Variants in HMGB1 observed in about 807,000 individuals in gnomAD.
The protein encoded by HMGB1 is high mobility group protein B1.
For synonymous variants in HMGB1, 81 were observed against 84.0 expected, an observed-to-expected ratio of 0.96 and a Z score of 0.19; for missense variants, 79 against 253.5, an observed-to-expected ratio of 0.31 and a Z score of 4.67.
intron 1 of HMGB1, among the ~76,000 whole-genome samples, chr13:30,566,701 CATGACA>C (rs1454915346): frequency 6.6e-6 from 1 of 152,176 alleles, no homozygotes; most frequent in African/African-American, 2.4e-5. Flanking sequence ...CTCTTCTTAC[CATGACA>C]ATAAGAAGTT....
intron 1 of HMGB1, chr13:30,464,957 C>CGCCCGAGG (rs1219398637): frequency 3.7e-4 from 53 of 141,498 alleles, no homozygotes; most frequent in African/African-American, 1.3e-3. Flanking sequence ...CGGTGGGGGC[C>CGCCCGAGG]GCCCGAGGGC....
upstream of HMGB1, among the ~76,000 whole-genome samples, chr13:30,469,265 A>G (rs905226113): frequency 4.6e-5 from 7 of 152,182 alleles, no homozygotes; most frequent in African/African-American, 7.2e-5. Context: ...CCCATGCTCA[A>G]TTTAAACAAC....
chr13:30,528,692 C>T (rs544578738), intron 1 of HMGB1, among the ~76,000 whole-genome samples: 15 of 152,136 alleles, frequency 9.9e-5, no homozygotes, highest in Admixed American at 4.6e-4. Flanking sequence ...GTGGAAGCTG[C>T]GAAAGAATCA....
rs9508762 is a variant in HMGB1 at position 30,505,400 on chromosome 13, C to T, written c.-14-41706G>A. The stretch of plus-strand genomic sequence containing the variant: ...TCACCGTGTTAGCCAGGATGGTCTC[C>T]ATCTCCTGACCTCGTGATCAGCCCA... On this transcript the variant is annotated intron_variant, in intron 1 of 4. Coordinates refer to the HMGB1 transcript ENST00000405805. Among the ~76,000 whole-genome samples, 6 of 150,376 alleles carry T rather than the reference C, an allele frequency of 4.0e-5. No individual in the cohort carries two copies. The South Asian group carries it at 1.0e-3, about 26-fold the overall frequency.
At chr13:30,615,407 A>G (rs1950551292) in intron 1 of HMGB1, among the ~76,000 whole-genome samples, 1 of 152,228 alleles carries the variant, frequency 6.6e-6, no homozygotes, top group Non-Finnish European at 1.5e-5. Context: ...AAACCATTAT[A>G]TAACACATAC....
chr13:30,502,820 T>A (rs1887764744), intron 1 of HMGB1, among the ~76,000 whole-genome samples: 1 of 151,914 alleles, frequency 6.6e-6, no homozygotes, highest in Non-Finnish European at 1.5e-5. Context: ...GGATTACAGG[T>A]GCCTGCCACC....
chr13:30,586,486 T>TG lies in HMGB1; in HGVS notation c.-15+30184_-15+30185insC, dbSNP rs1462674924. Among the ~76,000 whole-genome samples, 122 of 140,932 alleles carry TG rather than the reference T, an allele frequency of 8.7e-4. 3 individuals are homozygous for TG. The highest frequency in any genetic ancestry group is 2.8e-3 in the African/African-American group (110 of 38,798). 92.5% of individuals were successfully genotyped at this position (140,932 alleles called of 152,430 possible). A position where few individuals can be genotyped will look rare whatever the true frequency, so the allele number is the denominator to read the frequency against. On this transcript the variant is annotated intron_variant, in intron 1 of 4. Transcript: ENST00000405805. Reference sequence around the variant, plus strand: ...AAATCACTGGTTTTTTTTGTTTTTTTTTTTTTTTTTTTTTTTTTTGAGATG... The same window carrying TG: ...AAATCACTGGTTTTTTTTGTTTTTTTGTTTTTTTTTTTTTTTTTTTGAGATG...
rs149038685 is a variant in HMGB1 at position 30,525,904 on chromosome 13, C to T, written c.-14-62210G>A. Among the ~76,000 whole-genome samples, 762 of 152,178 alleles carry T rather than the reference C, an allele frequency of 5.0e-3. 3 individuals are homozygous for T. Among genetic ancestry groups the T allele is most frequent in the African/African-American group, 0.014 (588 of 41,506 alleles). On this transcript the variant is annotated intron_variant, in intron 1 of 4. Coordinates refer to the HMGB1 transcript ENST00000405805. ...TATAATGGGGGTTTCGTCATGTTGC[C>T]CAGGCTGGTCTGGAGCTTCTGAGCT...
At position 30,536,320 on chromosome 13, in the gene HMGB1, A is replaced by G. The variant is rs1566018006; in HGVS notation, c.-14-72626T>C. Among the ~76,000 whole-genome samples the G allele has an allele frequency of 2.0e-5, 3 of 152,168 alleles. No individual in the cohort carries two copies. In the South Asian group the frequency reaches 6.2e-4, roughly 32 times the overall value. On this transcript the variant is annotated intron_variant, in intron 1 of 4. Coordinates refer to the HMGB1 transcript ENST00000405805. ...CTTTTTTTTTAACTTTTGCTTCACA[A>G]TGCAATGTACTTTCCCCCTTCTCCT...
intron 1 of HMGB1, among the ~76,000 whole-genome samples, chr13:30,591,401 T>G (rs1189350245): frequency 1.3e-5 from 2 of 152,062 alleles, no homozygotes; most frequent in African/African-American, 4.8e-5. Context: ...ATCCAGTAAG[T>G]TTTGATATAA....
chr13:30,546,756 AT>A (rs749323506), intron 1 of HMGB1, among the ~76,000 whole-genome samples: 1 of 152,220 alleles, frequency 6.6e-6, no homozygotes, highest in Non-Finnish European at 1.5e-5. Context: ...AAGTGCTGGG[AT>A]TACAGGCATA....
In HMGB1 at chr13:30,559,607, T is replaced by C. The variant is rs1296733961; in HGVS notation, c.-15+57064A>G. ...TTAGATAGCCACATAGGGAAATCAG[T>C]TTTTAAGAAAGCGGATGGAATTCAG... On this transcript the variant is annotated intron_variant, in intron 1 of 4. Coordinates refer to the HMGB1 transcript ENST00000405805. This position sits in a 1 kb window ranked among gnomAD's most constrained non-coding sequence, Gnocchi z 6.6. Among the ~76,000 whole-genome samples, 1 of 152,080 alleles carries C rather than the reference T, an allele frequency of 6.6e-6. No individual in the cohort carries two copies. The highest frequency in any genetic ancestry group is 1.5e-5 in the Non-Finnish European group (1 of 68,014).
At chr13:30,538,711 C>CT (rs1566019274) in intron 1 of HMGB1, among the ~76,000 whole-genome samples, 4 of 79,306 alleles carry the variant, frequency 5.0e-5, no homozygotes, top group African/African-American at 1.9e-4. Flanking sequence ...CTTTTTCTTT[C>CT]TTTCTTCTTT....
At chr13:30,499,075 C>A (rs1055287997) in intron 1 of HMGB1, among the ~76,000 whole-genome samples, 3 of 151,970 alleles carry the variant, frequency 2.0e-5, no homozygotes, top group African/African-American at 7.3e-5. Context: ...GCCTTAGTCT[C>A]CTAAGTAGCT....
At chr13:30,503,957 C>CTACA (rs1195802138) in intron 1 of HMGB1, among the ~76,000 whole-genome samples, 1 of 151,996 alleles carries the variant, frequency 6.6e-6, no homozygotes, top group South Asian at 2.1e-4. Context: ...ACATACATAC[C>CTACA]TACATACATA....
intron 1 of HMGB1, among the ~76,000 whole-genome samples, chr13:30,567,430 G>A (rs1870233506): frequency 6.8e-6 from 1 of 147,250 alleles, no homozygotes; most frequent in South Asian, 2.1e-4. Flanking sequence ...TGCAACCTCC[G>A]CCTCCTGGGT....
At chr13:30,597,986 A>T (rs529421057) in intron 1 of HMGB1, among the ~76,000 whole-genome samples, 3 of 152,302 alleles carry the variant, frequency 2.0e-5, no homozygotes, top group Non-Finnish European at 2.9e-5. Context: ...TGCTTCCGAT[A>T]GCCTTAGAGT....
chr13:30,505,430 G>A (rs1036612601), intron 1 of HMGB1, among the ~76,000 whole-genome samples: 9 of 152,072 alleles, frequency 5.9e-5, no homozygotes, highest in South Asian at 2.1e-4. Context: ...AGCCCACCTT[G>A]ACCTCCCAAA....
rs879667736 is a variant in HMGB1, at chr13:30,554,317, T to C, written c.-15+62354A>G. On this transcript the variant is annotated intron_variant, in intron 1 of 4. Transcript: ENST00000405805. ...ACCATGGGCCTGCAGTGATCCATTG[T>C]AGCGAAGGCACTGGGTGCACGGGCA... 4.4e-5 allele frequency: 45 copies of C among 1,026,016 alleles called. No individual in the cohort carries two copies. In the Admixed American group the frequency reaches 7.3e-4, roughly 17 times the overall value. 63.6% of individuals were successfully genotyped at this position (1,026,016 alleles called of 1,614,324 possible).
Sources: allele counts gnomAD v4.1 joint callset (sites outside exome capture counted in the v4.1 genomes callset), GRCh38; gene constraint gnomAD v4.1.1; non-coding constraint Gnocchi (gnomAD v3.1); transcripts MANE v1.5; gene names NCBI Gene and HGNC (gene_info 2026-07-23, HGNC 2026-07-21).